The following STAP2 variants were observed in gnomAD, a reference collection of about 807,000 sequenced individuals.
STAP2 encodes the protein signal-transducing adaptor protein 2.
In STAP2, 58 loss-of-function variants were observed where a neutral mutation model predicts 52.7. The ratio of observed to expected loss-of-function variants is 1.10; its 90% CI spans 0.89 to 1.37. The LOEUF (loss-of-function observed/expected upper bound fraction) is 1.37. Ranked by LOEUF, STAP2 falls within the 40% of genes most tolerant of loss-of-function variation. The pLI, the probability that STAP2 is intolerant of heterozygous loss-of-function variation, is 0.00. For missense variants in STAP2, 522 were observed against 519.4 expected, an observed-to-expected ratio of 1.00 and a Z score of -0.05; for synonymous variants, 231 against 210.5, an observed-to-expected ratio of 1.10 and a Z score of -0.84.
chr19:4,326,447 C>G (rs1000888050), intron 9 of STAP2, among the ~76,000 whole-genome samples: 1 of 152,166 alleles, frequency 6.6e-6, no homozygotes, highest in African/African-American at 2.4e-5. Context: ...ACATTCCTTT[C>G]TAGTGTGTTC....
In STAP2 at chr19:4,333,768, T is replaced by A. The variant is rs771216248; in HGVS notation, c.223A>T (p.Ile75Phe). 3 of 1,613,630 alleles carry A rather than the reference T, an allele frequency of 1.9e-6. No individual in the cohort carries two copies. The highest frequency in any genetic ancestry group is 1.7e-4 in the Middle Eastern group (1 of 5,772). ...LGAFEKLTDE[I>F]PWGSSRDPGT... Reference sequence around the variant, plus strand: ...GGGTCACGTGAGCTTCCCCAGGGAATCTCATCTGTGAGTTTCTCAAATGCT... The same window carrying A: ...GGGTCACGTGAGCTTCCCCAGGGAAACTCATCTGTGAGTTTCTCAAATGCT... Residue 75 changes from isoleucine to phenylalanine, a missense_variant, in exon 3 of 13, where the codon ATT (isoleucine) becomes TTT (phenylalanine). By Grantham distance (21) the Ile-to-Phe change is conservative. Transcript: ENST00000594605.
At chr19:4,334,157 C>T in intron 1 of STAP2, 113 bp from the exon 2 acceptor site, 1 of 790,058 alleles carries the variant, frequency 1.3e-6, no homozygotes, top group Non-Finnish European at 2.0e-6. Context: ...CCCCACGCTG[C>T]CCCCAGATCT....
intron 4 of STAP2, among the ~76,000 whole-genome samples, chr19:4,330,619 AAT>A (rs1311978989): frequency 6.6e-6 from 1 of 151,752 alleles, no homozygotes; most frequent in Admixed American, 6.6e-5. Context: ...TCTCAAACTC[AAT>A]GGCCTGCCAG....
rs1971863267 is a variant in STAP2, at chr19:4,330,025, G to A, written c.391C>T (p.His131Tyr). 6.2e-7 allele frequency: 1 copy of A among 1,613,538 alleles called. No homozygotes were observed. The highest frequency in any genetic ancestry group is 1.7e-5 in the Admixed American group (1 of 59,938). The change falls in exon 5 of 13, where the codon CAC becomes TAC. Residue 131 changes from histidine to tyrosine, a missense_variant. By Grantham distance (83) the His-to-Tyr change is moderately conservative. Transcript: ENST00000594605. ...VPTDLTLLPG[H>Y]LYMMSEVLAK... ...AAGACTTCAGACATCATGTATAGGT[G>A]CCCAGGAAGCAGGGTCAAGTCGGTC...
At chr19:4,327,071 G>C in intron 8 of STAP2, 53 bp downstream of exon 8, 2 of 1,608,800 alleles carry the variant, frequency 1.2e-6, no homozygotes, top group Non-Finnish European at 1.7e-6. Context: ...CCGTCCGAGC[G>C]GGGGCGGGAG....
chr19:4,326,136 G>A (rs115226364), intron 9 of STAP2, among the ~76,000 whole-genome samples: 3,584 of 152,080 alleles, frequency 0.024, 99 homozygotes, highest in African/African-American at 0.069. Context: ...CGTTTTGCCC[G>A]TGTATCTACA....
At chr19:4,332,423 C>G (rs902513984) in intron 3 of STAP2, among the ~76,000 whole-genome samples, 1 of 151,148 alleles carries the variant, frequency 6.6e-6, no homozygotes, top group Non-Finnish European at 1.5e-5. Flanking sequence ...CCAGGCTGGT[C>G]TTGAACTCCT....
chr19:4,325,894 GGGA>G (rs996598979), intron 9 of STAP2, among the ~76,000 whole-genome samples: 1 of 152,030 alleles, frequency 6.6e-6, no homozygotes, highest in Middle Eastern at 3.2e-3. Flanking sequence ...GCTTGAACCT[GGGA>G]GGGAGAGGTT....
intron 1 of STAP2, among the ~76,000 whole-genome samples, chr19:4,337,961 A>T (rs1293599194): frequency 6.6e-6 from 1 of 152,152 alleles, no homozygotes; most frequent in Non-Finnish European, 1.5e-5. Context: ...TTGAGGCTAC[A>T]GTGAGCCATG....
Position 4,331,806 on chromosome 19 carries a change from T to C in STAP2, c.354+216A>G, listed in dbSNP as rs570771407. ...AATTAGCCGGGCGTGGTGGCGGGCT[T>C]CTGTAATCCCAGCTACTCCGGAGGC... On this transcript the variant is annotated intron_variant, in intron 4 of 12. Coordinates refer to ENST00000594605, the MANE Select transcript of STAP2 (RefSeq NM_001013841.2). Among the ~76,000 whole-genome samples the C allele has an allele frequency of 6.8e-5, 10 of 147,616 alleles. No individual in the cohort carries two copies. In the East Asian group the frequency reaches 1.6e-3, roughly 24 times the overall value.
intron 6 of STAP2, among the ~76,000 whole-genome samples, chr19:4,327,913 C>G (rs1971821182): frequency 6.6e-6 from 1 of 151,744 alleles, no homozygotes; most frequent in African/African-American, 2.4e-5. Flanking sequence ...CTCCATAGCC[C>G]TACTCAACTT....
chr19:4,325,402 G>C lies in STAP2; in HGVS notation c.973C>G (p.Gln325Glu), dbSNP rs1421014239. Reference protein sequence around the residue: ...GDGPAVDYENQDVASSSWPVI... With the variant: ...GDGPAVDYENEDVASSSWPVI... ...AGCTCTGTTCCCCACCCACCATCTT[G>C]GTTCTCATAGTCAACAGCTGGGCCA... The change falls in exon 10 of 13, where the codon CAA becomes GAA. Residue 325 changes from glutamine to glutamate, a missense_variant. Coordinates refer to ENST00000594605, the MANE Select transcript of STAP2 (RefSeq NM_001013841.2). The C allele has an allele frequency of 1.2e-6, 2 of 1,614,058 alleles. No individual in the cohort carries two copies. Among genetic ancestry groups the C allele is most frequent in the Admixed American group, 1.7e-5 (1 of 60,026 alleles).
intron 1 of STAP2, among the ~76,000 whole-genome samples, chr19:4,335,107 C>A (rs1482601809): frequency 1.3e-5 from 2 of 150,990 alleles, no homozygotes; most frequent in South Asian, 2.1e-4. Context: ...ACTCATCCAT[C>A]CATCCATCCA....
At chr19:4,333,622 A>G in intron 3 of STAP2, 72 bp downstream of exon 3, 1 of 1,525,418 alleles carries the variant, frequency 6.6e-7, no homozygotes, top group Non-Finnish European at 8.7e-7. Context: ...TGGTTGGCAC[A>G]ATGGAGGGTA....
chr19:4,327,436 C>T lies in STAP2; in HGVS notation c.591-51G>A. The T allele has an allele frequency of 3.1e-6, 5 of 1,602,934 alleles. No individual in the cohort carries two copies. The African/African-American group carries it at 4.0e-5, about 13-fold the overall frequency. ...GGCTCAGCCCAGGCTCCCACACCGC[C>T]CCTCAGGGAAGGCCCCGCCCCAACT... On this transcript the variant is annotated intron_variant, in intron 6 of 12. Transcript: ENST00000594605.
chr19:4,335,014 C>G (rs1971958542), intron 1 of STAP2, among the ~76,000 whole-genome samples: 3 of 149,362 alleles, frequency 2.0e-5, no homozygotes, highest in Non-Finnish European at 4.5e-5. Context: ...ATCAATCCAT[C>G]CACCCATCCA....
chr19:4,334,990 C>T (rs540726530), intron 1 of STAP2, among the ~76,000 whole-genome samples: 1 of 150,752 alleles, frequency 6.6e-6, no homozygotes, highest in African/African-American at 2.4e-5. Context: ...ACCCACTCAT[C>T]CATCCACCCA....
intron 1 of STAP2, among the ~76,000 whole-genome samples, chr19:4,337,955 G>C (rs1366356408): frequency 1.3e-5 from 2 of 152,110 alleles, no homozygotes; most frequent in Non-Finnish European, 2.9e-5. Context: ...AGGAGTTTGA[G>C]GCTACAGTGA....
Position 4,328,705 on chromosome 19 carries a change from A to ACGT in STAP2, c.559_560insACG (p.Gly186_Val187insAsp). On this transcript the variant is annotated inframe_insertion, in exon 6 of 13. Coordinates refer to ENST00000594605, the MANE Select transcript of STAP2 (RefSeq NM_001013841.2). Reference sequence around the variant, plus strand: ...GTGCATCTGCCGCGTGGTGACCGACACGCCGTCGGCGCCGTCCCCGCTGGG... The same window carrying ACGT: ...GTGCATCTGCCGCGTGGTGACCGACACGTCGCCGTCGGCGCCGTCCCCGCTGGG... 1.2e-6 allele frequency: 2 copies of ACGT among 1,603,290 alleles called. No homozygotes were observed. The highest frequency in any genetic ancestry group is 1.7e-6 in the Non-Finnish European group (2 of 1,176,492).
Sources: allele counts gnomAD v4.1 joint callset (sites outside exome capture counted in the v4.1 genomes callset), GRCh38; gene constraint gnomAD v4.1.1; transcripts MANE v1.5; gene names NCBI Gene and HGNC (gene_info 2026-07-23, HGNC 2026-07-21).